GLIS3: variants seen among roughly 807,000 people sequenced by gnomAD.
The protein encoded by GLIS3 is zinc finger protein GLIS3.
Under a neutral mutation model 78.6 loss-of-function variants are expected in GLIS3, and 53 were observed. The observed-to-expected ratio is 0.67, with a 90% CI of 0.54 to 0.85. GLIS3 has a LOEUF of 0.85. GLIS3 is among the 40% of genes least tolerant of loss of function. GLIS3 has a pLI of 0.00. For missense variants in GLIS3, 1,703 were observed against 1,231.1 expected (o/e 1.38, Z -5.74); for synonymous variants, 684 against 509.9 (o/e 1.34, Z -4.60).
chr9:4,020,132 C>G (rs958764187), intron 4 of GLIS3, among the ~76,000 whole-genome samples: 2 of 151,972 alleles, frequency 1.3e-5, no homozygotes, highest in East Asian at 1.9e-4. Flanking sequence ...GTGAGAGAGT[C>G]AGAAAGTGGG....
At chr9:4,458,601 A>T in the GLIS3 span, among the ~76,000 whole-genome samples, 1 of 152,144 alleles carries the variant, frequency 6.6e-6, no homozygotes, top group East Asian at 1.9e-4. Flanking sequence ...CAGCCTGGCC[A>T]ACATAGTGAA....
chr9:4,266,709 T>C (rs546820329), intron 2 of GLIS3, among the ~76,000 whole-genome samples: 7 of 152,278 alleles, frequency 4.6e-5, no homozygotes, highest in African/African-American at 1.7e-4. Flanking sequence ...ATAGTTATTT[T>C]ACTCCAAAAT....
chr9:4,365,370 A>G, the GLIS3 span, among the ~76,000 whole-genome samples: 27 of 152,220 alleles, frequency 1.8e-4, no homozygotes, highest in South Asian at 5.0e-3. Flanking sequence ...AGCCTGGCCA[A>G]TATGGTAAAA....
chr9:3,929,342 TTTTTTCTTC>T (rs1825467107), intron 6 of GLIS3, among the ~76,000 whole-genome samples: 1 of 152,228 alleles, frequency 6.6e-6, no homozygotes. Flanking sequence ...AGAAGAGTTT[TTTTTTCTTC>T]TTTTTCTTTC....
the GLIS3 span, among the ~76,000 whole-genome samples, chr9:4,465,236 C>T: frequency 7.9e-5 from 12 of 152,214 alleles, no homozygotes; most frequent in African/African-American, 2.9e-4. Context: ...TATAACATTG[C>T]ATACATTCTT....
intron 2 of GLIS3, among the ~76,000 whole-genome samples, chr9:4,143,273 A>T (rs1219882138): frequency 2.0e-5 from 3 of 151,962 alleles, no homozygotes; most frequent in African/African-American, 7.3e-5. Flanking sequence ...AGAAGTTAAG[A>T]TCTACTCTCT....
chr9:4,049,163 G>C (rs997750463), intron 4 of GLIS3, among the ~76,000 whole-genome samples: 1 of 152,116 alleles, frequency 6.6e-6, no homozygotes, highest in Non-Finnish European at 1.5e-5. Context: ...AGCTGCACCT[G>C]GATAGGAACT....
intron 6 of GLIS3, among the ~76,000 whole-genome samples, chr9:3,912,421 C>A (rs1389799569): frequency 1.3e-5 from 2 of 152,054 alleles, no homozygotes; most frequent in Non-Finnish European, 2.9e-5. Context: ...TATTAGAAAC[C>A]AGAACCCACA....
chr9:4,481,565 T>C, the GLIS3 span, among the ~76,000 whole-genome samples: 1 of 151,908 alleles, frequency 6.6e-6, no homozygotes, highest in African/African-American at 2.4e-5. Flanking sequence ...GTGTAATTCA[T>C]TTCCCCATGT....
At chr9:4,354,492 T>C in the GLIS3 span, among the ~76,000 whole-genome samples, 1 of 152,184 alleles carries the variant, frequency 6.6e-6, no homozygotes, top group Non-Finnish European at 1.5e-5. Flanking sequence ...TCACTTTCTA[T>C]AGACTATATT....
At chr9:3,913,771 AATT>A (rs1248132532) in intron 6 of GLIS3, among the ~76,000 whole-genome samples, 1 of 152,230 alleles carries the variant, frequency 6.6e-6, no homozygotes, top group Non-Finnish European at 1.5e-5. Context: ...GCTATTTAGA[AATT>A]ATATCAATAT....
At chr9:4,328,018 G>A (rs1205409906) in intron 2 of GLIS3, among the ~76,000 whole-genome samples, 1 of 152,176 alleles carries the variant, frequency 6.6e-6, no homozygotes, top group South Asian at 2.1e-4. Context: ...CATGTCGAAT[G>A]CATGTTCCTG....
chr9:4,166,994 T>C (rs1017228417), intron 2 of GLIS3, among the ~76,000 whole-genome samples: 4 of 152,210 alleles, frequency 2.6e-5, no homozygotes, highest in Non-Finnish European at 5.9e-5. Flanking sequence ...TCTTTGAGTG[T>C]GAGGGTCAGG....
intron 7 of GLIS3, among the ~76,000 whole-genome samples, chr9:3,880,492 T>C (rs962490838): frequency 1.3e-5 from 2 of 152,230 alleles, no homozygotes; most frequent in African/African-American, 4.8e-5. Context: ...ATTAGGCTGA[T>C]TCTCTTTAAC....
At chr9:4,370,454 A>G in the GLIS3 span, among the ~76,000 whole-genome samples, 1 of 151,990 alleles carries the variant, frequency 6.6e-6, no homozygotes, top group South Asian at 2.1e-4. Context: ...ATAGGACTTC[A>G]TCTCACTTAG....
rs1481119526 is a variant in GLIS3, at chr9:3,824,519, C to T, written c.*3753G>A. 6.6e-6 allele frequency: 1 copy of T among 152,224 alleles called. No individual in the cohort carries two copies. Among genetic ancestry groups the T allele is most frequent in the Non-Finnish European group, 1.5e-5 (1 of 68,036 alleles). 9.4% of individuals were successfully genotyped at this position (152,224 alleles called of 1,614,324 possible). The stretch of plus-strand genomic sequence containing the variant: ...TTCTGTACCAAGTGCACAATCCCTT[C>T]ATTTTACTTTTGACATAAAAAAAGG... On this transcript the variant is annotated 3_prime_UTR_variant, in exon 11 of 11. Transcript: ENST00000381971.
intron 2 of GLIS3, among the ~76,000 whole-genome samples, chr9:4,262,933 C>CAA (rs34292499): frequency 0.017 from 1,648 of 97,714 alleles, 15 homozygotes; most frequent in African/African-American, 0.021. Context: ...GTGTTTGCCT[C>CAA]AAAAAAAAAA....
intron 4 of GLIS3, among the ~76,000 whole-genome samples, chr9:4,022,462 A>T (rs1822969043): frequency 6.6e-6 from 1 of 152,350 alleles, no homozygotes; most frequent in African/African-American, 2.4e-5. Context: ...ACTTTCTAAA[A>T]TGCAAATATG....
At chr9:4,089,948 T>G (rs75131201) in intron 4 of GLIS3, among the ~76,000 whole-genome samples, 8,074 of 152,300 alleles carry the variant, frequency 0.053, 609 homozygotes, top group African/African-American at 0.16. Flanking sequence ...GACAAAGTGG[T>G]GCCTCCCACT....
Sources: allele counts gnomAD v4.1 joint callset (sites outside exome capture counted in the v4.1 genomes callset), GRCh38; gene constraint gnomAD v4.1.1; transcripts MANE v1.5; gene names NCBI Gene and HGNC (gene_info 2026-07-23, HGNC 2026-07-21).